Variants in TTN observed in about 807,000 individuals in gnomAD.
TTN encodes the protein titin.
TTN carries 1,525 observed loss-of-function variants against 3,223.0 expected under a neutral mutation model. That is an observed-to-expected ratio of 0.47 (90% confidence interval 0.45 to 0.49). The LOEUF is 0.49. TTN is among the 20% of genes least tolerant of loss of function. TTN has a pLI of 0.00. For missense variants in TTN, 40,786 were observed against 43,424.0 expected (o/e 0.94, Z 5.40); for synonymous variants, 14,094 against 15,161.0 (o/e 0.93, Z 5.17).
chr2:178,691,996 C>T lies in TTN; in HGVS notation c.31762+20G>A. 1 of 1,602,878 alleles carries T rather than the reference C, an allele frequency of 6.2e-7. No homozygotes were observed. Among genetic ancestry groups the T allele is most frequent in the Non-Finnish European group, 8.5e-7 (1 of 1,174,100 alleles). ...TGGCACTTGGAGCAAAGAGTCTCCCCATCATTGGCTCTGGCGTACCTTTTG... is the reference window on the plus strand; with the variant it reads ...TGGCACTTGGAGCAAAGAGTCTCCCTATCATTGGCTCTGGCGTACCTTTTG... On this transcript the variant is annotated intron_variant, in intron 121 of 362. Transcript: ENST00000589042.
chr2:178,708,634 T>G (rs1014890782), intron 99 of TTN, among the ~76,000 whole-genome samples: 1 of 152,220 alleles, frequency 6.6e-6, no homozygotes, highest in Non-Finnish European at 1.5e-5. Flanking sequence ...GTGTAAATCA[T>G]GAAGATAAGC....
intron 47 of TTN, chr2:178,746,928 C>T: frequency 6.2e-7 from 1 of 1,613,524 alleles, no homozygotes; most frequent in Non-Finnish European, 8.5e-7. Flanking sequence ...ATTTCATAAG[C>T]TGAACCCCTC....
rs1576669583 is a variant in TTN at position 178,630,710 on chromosome 2, G to A, written c.44154+94C>T. 18 of 1,514,356 alleles carry A rather than the reference G, an allele frequency of 1.2e-5. No individual in the cohort carries two copies. In the South Asian group the frequency reaches 2.3e-4, roughly 19 times the overall value. 93.8% of individuals were successfully genotyped at this position (1,514,356 alleles called of 1,614,324 possible). A position where few individuals can be genotyped will look rare whatever the true frequency, so the allele number is the denominator to read the frequency against. The stretch of plus-strand genomic sequence containing the variant: ...GGTCTGATAGAGAAACTGCTATCAT[G>A]TTTTAAATGTCCTGCATCCACTCTG... On this transcript the variant is annotated intron_variant, in intron 238 of 362. Coordinates refer to ENST00000589042, the MANE Select transcript of TTN (RefSeq NM_001267550.2).
In TTN at chr2:178,620,624, C is replaced by G. The variant is rs760431926; in HGVS notation, c.45897G>C (p.Glu15299Asp). The change falls in exon 248 of 363, where the codon GAG becomes GAC. Residue 15299 changes from glutamate to aspartate, a missense_variant and splice_region_variant. Coordinates refer to ENST00000589042, the MANE Select transcript of TTN (RefSeq NM_001267550.2). ...VKSAANLIVE[E>D]EDLRIVEPLK... ...GAGGCTCAACAATCCTAAGGTCTTC[C>G]TCTGTTGTAAAGGAGAAAAATATGT... 1.9e-6 allele frequency: 3 copies of G among 1,605,738 alleles called. No homozygotes were observed. The highest frequency in any genetic ancestry group is 2.5e-6 in the Non-Finnish European group (3 of 1,177,450).
Position 178,534,655 on chromosome 2 carries a change from T to C in TTN, c.101960A>G (p.His33987Arg). The C allele has an allele frequency of 6.2e-7, 1 of 1,613,710 alleles. No homozygotes were observed. Reference sequence around the variant, plus strand: ...GGCTGTGCTGACAACATCATGCTGGTGGACTTCAGGTGCATAGTATTCTGG... The same window carrying C: ...GGCTGTGCTGACAACATCATGCTGGCGGACTTCAGGTGCATAGTATTCTGG... The part of the protein sequence containing the change: ...TAPEYYAPEV[H>R]QHDVVSTATD... The change falls in exon 358 of 363, where the codon CAC (histidine) becomes CGC (arginine). Residue 33987 changes from histidine to arginine, a missense_variant. His to Arg is a conservative substitution (Grantham distance 29, BLOSUM62 0). Coordinates refer to ENST00000589042, the MANE Select transcript of TTN (RefSeq NM_001267550.2).
chr2:178,536,017 C>T lies in TTN; in HGVS notation c.100730G>A (p.Gly33577Glu), dbSNP rs1266341288. The change falls in exon 357 of 363, where the codon GGA becomes GAA. Residue 33577 changes from glycine (G) to glutamate (E), a missense_variant. Physicochemically the swap from Gly to Glu is moderately conservative, Grantham distance 98. Coordinates refer to ENST00000589042, the MANE Select transcript of TTN (RefSeq NM_001267550.2). ...CAAGGAGGCAGTGCCAGACACAGAT[C>T]CCCCTTGGTTGGTAGCTCTGACTTG... ...VYQVRATNQG[G>E]SVSGTASLEV... 6.4e-7 allele frequency: 1 copy of T among 1,555,848 alleles called. No individual in the cohort carries two copies. The highest frequency in any genetic ancestry group is 8.7e-7 in the Non-Finnish European group (1 of 1,151,788).
chr2:178,747,331 C>T, intron 47 of TTN: 2 of 1,613,314 alleles, frequency 1.2e-6, no homozygotes, highest in Non-Finnish European at 1.7e-6. Context: ...TTTCAACTGT[C>T]TCACCTCCTG....
chr2:178,704,322 A>G lies in TTN; in HGVS notation c.30048T>C (p.Asn10016=). The change falls in exon 106 of 363, where the codon AAT becomes AAC. Residue 10016 remains asparagine, a synonymous_variant. Transcript: ENST00000589042. The part of the protein sequence containing the change: ...CTMTCQFSVP[N]VKSEWFRNGR... ...CATTTCTGAACCATTCAGATTTTACATTTGGTACAGAAAATTGGCATGTCA... is the reference window on the plus strand; with the variant it reads ...CATTTCTGAACCATTCAGATTTTACGTTTGGTACAGAAAATTGGCATGTCA... The G allele has an allele frequency of 6.2e-7, 1 of 1,613,980 alleles. No individual in the cohort carries two copies. Among genetic ancestry groups the G allele is most frequent in the Admixed American group, 1.7e-5 (1 of 60,012 alleles).
intron 26 of TTN, 34 bp from the exon 27 acceptor site, chr2:178,777,351 A>G: frequency 6.2e-7 from 1 of 1,613,324 alleles, no homozygotes; most frequent in East Asian, 2.2e-5. Context: ...AGAGGGAGTA[A>G]GGCTGAAATA....
rs754976165 is a variant in TTN, at chr2:178,731,292, G to A, written c.17461+13C>T. On this transcript the variant is annotated intron_variant, in intron 59 of 362. Transcript: ENST00000589042. ...TTTCTTCCTCAAACCCAAGGCAAACGTTCTGAACCAACCTTTTACTGAGAG... is the reference window on the plus strand; with the variant it reads ...TTTCTTCCTCAAACCCAAGGCAAACATTCTGAACCAACCTTTTACTGAGAG... 3.7e-6 allele frequency: 6 copies of A among 1,613,154 alleles called. No individual in the cohort carries two copies. The highest frequency in any genetic ancestry group is 2.7e-5 in the African/African-American group (2 of 75,014).
intron 121 of TTN, 74 bp downstream of exon 121, chr2:178,691,942 A>T: frequency 8.1e-7 from 1 of 1,239,382 alleles, no homozygotes; most frequent in Non-Finnish European, 1.1e-6. Context: ...GCAGCATAGT[A>T]CATATGAAGA....
At position 178,593,944 on chromosome 2, in the gene TTN, CACTAAATAAGACTT is replaced by C; in HGVS notation, c.58432+3_58432+16del. On this transcript the variant is annotated splice_donor_5th_base_variant and intron_variant, in intron 297 of 362. Transcript: ENST00000589042. ...GAAAGAACAGAAGATCTATTCTTTC[CACTAAATAAGACTT>C]ACCAACAACATTAACTTGACAGAAA... 6.2e-7 allele frequency: 1 copy of C among 1,611,586 alleles called. No individual in the cohort carries two copies. Among genetic ancestry groups the C allele is most frequent in the Non-Finnish European group, 8.5e-7 (1 of 1,179,268 alleles).
At position 178,650,149 on chromosome 2, in the gene TTN, G is replaced by T. The variant is rs2154248487; in HGVS notation, c.39817+15C>A. The T allele has an allele frequency of 6.4e-7, 1 of 1,558,674 alleles. No individual in the cohort carries two copies. Among genetic ancestry groups the T allele is most frequent in the Non-Finnish European group, 8.7e-7 (1 of 1,150,190 alleles). Reference sequence around the variant, plus strand: ...AATGACTGTATTTTCCCATACAGTGGATTCTGCTTTGTACCTGCTGGAGGT... The same window carrying T: ...AATGACTGTATTTTCCCATACAGTGTATTCTGCTTTGTACCTGCTGGAGGT... On this transcript the variant is annotated intron_variant, in intron 210 of 362. Coordinates refer to ENST00000589042, the MANE Select transcript of TTN (RefSeq NM_001267550.2).
Position 178,548,239 on chromosome 2 carries a change from G to C in TTN, c.93387C>G (p.Ser31129=). The C allele has an allele frequency of 6.2e-7, 1 of 1,613,806 alleles. No individual in the cohort carries two copies. Among genetic ancestry groups the C allele is most frequent in the Non-Finnish European group, 8.5e-7 (1 of 1,179,798 alleles). Residue 31129 remains serine, a synonymous_variant, in exon 339 of 363, where the codon TCC becomes TCG. Transcript: ENST00000589042. This position sits in a 1 kb window ranked among gnomAD's most constrained non-coding sequence, Gnocchi z 4.3. ...CAGGTTTAAGCCAAGCTAAGACTGC[G>C]GAGGATTTGCTAGTATCAACAACAT... The part of the protein sequence containing the change: ...RLDVVDTSKS[S]AVLAWLKPDH...
intron 119 of TTN, among the ~76,000 whole-genome samples, chr2:178,693,059 C>T (rs1227730344): frequency 2.0e-5 from 3 of 151,966 alleles, no homozygotes; most frequent in Non-Finnish European, 4.4e-5. Context: ...CCCACCCTGG[C>T]TGTCAAGGTG....
At position 178,694,248 on chromosome 2, in the gene TTN, C is replaced by A. The variant is rs1018318139; in HGVS notation, c.31427-240G>T. ...ATCAAATAGACACAACTTCTTCACACACAATGTTGTGCTTTTCCAAATCTG... is the reference window on the plus strand; with the variant it reads ...ATCAAATAGACACAACTTCTTCACAAACAATGTTGTGCTTTTCCAAATCTG... On this transcript the variant is annotated intron_variant, in intron 117 of 362. Coordinates refer to ENST00000589042, the MANE Select transcript of TTN (RefSeq NM_001267550.2). Among the ~76,000 whole-genome samples, 3 of 152,102 alleles carry A rather than the reference C, an allele frequency of 2.0e-5. 1 individual carries two copies. Among genetic ancestry groups the A allele is most frequent in the Middle Eastern group, 6.3e-3 (2 of 316 alleles).
intron 335 of TTN, 96 bp from the exon 336 acceptor site, chr2:178,551,356 A>T: frequency 1.1e-6 from 1 of 944,042 alleles, no homozygotes; most frequent in Non-Finnish European, 1.4e-6. Context: ...TAATTTTAAT[A>T]AATAAGTAAA....
chr2:178,707,287 G>T (rs1187277151), intron 100 of TTN, among the ~76,000 whole-genome samples: 1 of 152,114 alleles, frequency 6.6e-6, no homozygotes, highest in African/African-American at 2.4e-5. Flanking sequence ...TAATGGATAT[G>T]GTGAAAAGAA....
chr2:178,615,806 A>G lies in TTN; in HGVS notation c.48313-18T>C. 6.3e-7 allele frequency: 1 copy of G among 1,591,080 alleles called. No individual in the cohort carries two copies. Reference sequence around the variant, plus strand: ...TCCATAACCTGGGACAAAGAAATACAGTTAATCAGTTATTTCCAAAAAACC... The same window carrying G: ...TCCATAACCTGGGACAAAGAAATACGGTTAATCAGTTATTTCCAAAAAACC... On this transcript the variant is annotated intron_variant, in intron 257 of 362. Transcript: ENST00000589042.
Sources: allele counts gnomAD v4.1 joint callset (sites outside exome capture counted in the v4.1 genomes callset), GRCh38; gene constraint gnomAD v4.1.1; non-coding constraint Gnocchi (gnomAD v3.1); transcripts MANE v1.5; gene names NCBI Gene and HGNC (gene_info 2026-07-23, HGNC 2026-07-21).